AP2B1: variants seen among roughly 807,000 people sequenced by gnomAD.
AP2B1 encodes adaptor related protein complex 2 subunit beta 1.
A neutral mutation model predicts 102.0 loss-of-function variants in AP2B1; 23 were observed. The observed-to-expected ratio is 0.23, with a 90% CI of 0.16 to 0.32. The LOEUF (loss-of-function observed/expected upper bound fraction) is 0.32. Among genes scored for constraint, AP2B1 ranks in the 10% least tolerant of loss-of-function variants. The pLI, the probability that AP2B1 is intolerant of heterozygous loss-of-function variation, is 1.00. For missense variants in AP2B1, 541 were observed against 1,157.4 expected (o/e 0.47, Z 7.73); for synonymous variants, 381 against 421.2 (o/e 0.90, Z 1.17).
chr17:35,592,575 C>G (rs2073135395), intron 1 of AP2B1, among the ~76,000 whole-genome samples: 1 of 152,074 alleles, frequency 6.6e-6, no homozygotes. Context: ...TGGACTTTTG[C>G]TCTGTTGCCC....
At chr17:35,645,122 A>G (rs1299666188) in intron 12 of AP2B1, among the ~76,000 whole-genome samples, 1 of 152,218 alleles carries the variant, frequency 6.6e-6, no homozygotes, top group Non-Finnish European at 1.5e-5. Flanking sequence ...AGTTTGTGAA[A>G]TAAGAACCTA....
At chr17:35,714,044 G>T (rs2076503347) in intron 20 of AP2B1, among the ~76,000 whole-genome samples, 1 of 152,202 alleles carries the variant, frequency 6.6e-6, no homozygotes. Context: ...AGGAATCTTT[G>T]TGACGAACAG....
intron 18 of AP2B1, among the ~76,000 whole-genome samples, chr17:35,690,836 G>T (rs1169552589): frequency 1.3e-5 from 2 of 152,134 alleles, no homozygotes; most frequent in Admixed American, 1.3e-4. Flanking sequence ...CAGGAGAAAG[G>T]AAACTTAAAT....
chr17:35,627,284 A>T, intron 7 of AP2B1, 101 bp from the exon 8 acceptor site: 5 of 280,924 alleles, frequency 1.8e-5, no homozygotes, highest in Non-Finnish European at 3.0e-5. Context: ...GAGTGGAGCG[A>T]GAGGAGAGCA....
rs1352219531 is a variant in AP2B1, at chr17:35,696,885, A to G, written c.2455-12339A>G. On this transcript the variant is annotated intron_variant, in intron 18 of 21. Coordinates refer to ENST00000610402, the MANE Select transcript of AP2B1 (RefSeq NM_001030006.2). ...TGTCTATGTTTTTCCCACCACTGCT[A>G]TGTCTCCCAGGGCCTGGAACGATGT... Among the ~76,000 whole-genome samples the G allele has an allele frequency of 3.9e-5, 6 of 152,284 alleles. 1 individual carries two copies. The highest frequency in any genetic ancestry group is 1.4e-4 in the African/African-American group (6 of 41,556).
intron 5 of AP2B1, among the ~76,000 whole-genome samples, chr17:35,623,544 A>G (rs2074240817): frequency 6.6e-6 from 1 of 152,204 alleles, no homozygotes; most frequent in Non-Finnish European, 1.5e-5. Context: ...AGAAGGATAC[A>G]TTTGAAATAC....
At chr17:35,609,150 C>T (rs1039104933) in intron 5 of AP2B1, among the ~76,000 whole-genome samples, 2 of 152,090 alleles carry the variant, frequency 1.3e-5, no homozygotes, top group African/African-American at 4.8e-5. Flanking sequence ...CAGTGGATAA[C>T]CTTTGAATAT....
chr17:35,694,364 C>T (rs1269376169), intron 18 of AP2B1, among the ~76,000 whole-genome samples: 1 of 151,468 alleles, frequency 6.6e-6, no homozygotes, highest in Non-Finnish European at 1.5e-5. Flanking sequence ...CCACCTTAGC[C>T]TCCCAAGTAG....
chr17:35,699,762 A>G (rs2076207668), intron 18 of AP2B1, among the ~76,000 whole-genome samples: 1 of 152,180 alleles, frequency 6.6e-6, no homozygotes, highest in Non-Finnish European at 1.5e-5. Context: ...AGAGTTTGAA[A>G]TGCTATTTAA....
chr17:35,652,614 AAAAT>A (rs2075115370), intron 13 of AP2B1, among the ~76,000 whole-genome samples: 2 of 152,208 alleles, frequency 1.3e-5, no homozygotes, highest in Non-Finnish European at 2.9e-5. Context: ...TATTTCCCTT[AAAAT>A]TGGAAATGTC....
intron 2 of AP2B1, among the ~76,000 whole-genome samples, chr17:35,595,648 G>A (rs75334052): frequency 6.6e-6 from 1 of 152,120 alleles, no homozygotes; most frequent in Non-Finnish European, 1.5e-5. Flanking sequence ...GATTTGATTG[G>A]GGGGAGGAGG....
At position 35,608,151 on chromosome 17, in the gene AP2B1, G is replaced by C; in HGVS notation, c.289G>C (p.Asp97His). The change falls in exon 5 of 22, where the codon GAT becomes CAT. Residue 97 changes from aspartate (D) to histidine (H), a missense_variant. By Grantham distance (81) the Asp-to-His change is moderately conservative. This residue lies in a region of AP2B1 where 28 missense variants were observed against 98.3 expected (regional missense o/e 0.28). Coordinates refer to ENST00000610402, the MANE Select transcript of AP2B1 (RefSeq NM_001030006.2). Reference sequence around the variant, plus strand: ...TGATTGTTTTCTGCAGGACTGTGAAGATCCTAATCCTTTGATTCGAGCCTT... The same window carrying C: ...TGATTGTTTTCTGCAGGACTGTGAACATCCTAATCCTTTGATTCGAGCCTT... ...AVNSFVKDCE[D>H]PNPLIRALAV... is the part of the protein sequence containing the mutation. The C allele has an allele frequency of 6.2e-7, 1 of 1,613,176 alleles. No individual in the cohort carries two copies. The highest frequency in any genetic ancestry group is 8.5e-7 in the Non-Finnish European group (1 of 1,180,030).
At chr17:35,688,132 C>T (rs866364447) in intron 18 of AP2B1, among the ~76,000 whole-genome samples, 6 of 152,144 alleles carry the variant, frequency 3.9e-5, no homozygotes, top group Admixed American at 3.9e-4. Context: ...AGATTCATTC[C>T]CTTCATCAGC....
At chr17:35,686,898 A>G (rs181764074) in intron 18 of AP2B1, among the ~76,000 whole-genome samples, 259 of 152,170 alleles carry the variant, frequency 1.7e-3, no homozygotes, top group Non-Finnish European at 3.1e-3. Flanking sequence ...AATGGCGTGA[A>G]CCCGGGAGGC....
At chr17:35,641,821 G>T (rs980393878) in intron 11 of AP2B1, 56 bp from the exon 12 acceptor site, 6 of 1,318,880 alleles carry the variant, frequency 4.5e-6, no homozygotes, top group Middle Eastern at 1.9e-4. Flanking sequence ...GGAGATGATG[G>T]CAGGGAATAA....
intron 18 of AP2B1, among the ~76,000 whole-genome samples, chr17:35,683,127 A>G (rs1353148358): frequency 1.3e-5 from 2 of 151,684 alleles, no homozygotes; most frequent in Non-Finnish European, 2.9e-5. Flanking sequence ...ATCTGCCCAC[A>G]TGGACCTCCC....
In AP2B1 at chr17:35,723,874, T is replaced by C. The variant is rs2085473549; in HGVS notation, c.*175T>C. On this transcript the variant is annotated 3_prime_UTR_variant, in exon 22 of 22. Coordinates refer to ENST00000610402, the MANE Select transcript of AP2B1 (RefSeq NM_001030006.2). ...CACAACCTGTTGGATAGTTTTAGCT[T>C]CCTGTGAACATTTGTAACCACTGCT... 1.9e-6 allele frequency: 1 copy of C among 519,884 alleles called. No individual in the cohort carries two copies. Among genetic ancestry groups the C allele is most frequent in the Admixed American group, 3.0e-5 (1 of 33,098 alleles). 32.2% of individuals were successfully genotyped at this position (519,884 alleles called of 1,614,324 possible).
chr17:35,667,372 T>C (rs1231531021), intron 14 of AP2B1, among the ~76,000 whole-genome samples: 1 of 152,226 alleles, frequency 6.6e-6, no homozygotes, highest in East Asian at 1.9e-4. Flanking sequence ...TGAACCTTTG[T>C]ATCCCTGGCT....
chr17:35,604,330 C>A (rs2142374305), intron 3 of AP2B1, among the ~76,000 whole-genome samples: 1 of 152,108 alleles, frequency 6.6e-6, no homozygotes, highest in South Asian at 2.1e-4. Context: ...GCTGGTCTCA[C>A]ACTCCTAGGC....
Sources: allele counts gnomAD v4.1 joint callset (sites outside exome capture counted in the v4.1 genomes callset), GRCh38; gene constraint gnomAD v4.1.1; regional missense constraint gnomAD v4.1.1; transcripts MANE v1.5; gene names NCBI Gene and HGNC (gene_info 2026-07-23, HGNC 2026-07-21).